The following RANBP2 variants were observed in gnomAD, a reference collection of about 807,000 sequenced individuals.
RANBP2 encodes RAN binding protein 2, also known as E3 SUMO-protein ligase RanBP2.
A neutral mutation model predicts 303.6 loss-of-function variants in RANBP2; 57 were observed. The ratio of observed to expected loss-of-function variants is 0.19; its 90% CI spans 0.15 to 0.23. The LOEUF (loss-of-function observed/expected upper bound fraction) is 0.23. RANBP2 is among the 10% of genes least tolerant of loss of function. RANBP2 has a pLI of 1.00. For missense variants in RANBP2, 3,138 were observed against 3,780.8 expected (o/e 0.83, Z 4.46); for synonymous variants, 1,167 against 1,301.5 (o/e 0.90, Z 2.23).
chr2:108,924,624 T>C, the RANBP2 span, among the ~76,000 whole-genome samples: 5 of 152,318 alleles, frequency 3.3e-5, no homozygotes, highest in African/African-American at 9.6e-5. Context: ...CGGGGGTCTG[T>C]GGGCTCCTGC....
At chr2:109,407,338 G>T in the RANBP2 span, among the ~76,000 whole-genome samples, 111 of 152,346 alleles carry the variant, frequency 7.3e-4, no homozygotes, top group East Asian at 0.019. Context: ...CATTTCTCAA[G>T]TCTCTTCGTG....
chr2:108,764,130 C>G lies in RANBP2; in HGVS notation c.3591C>G (p.Asn1197Lys). The G allele has an allele frequency of 6.2e-7, 1 of 1,614,002 alleles. No individual in the cohort carries two copies. The highest frequency in any genetic ancestry group is 1.1e-5 in the South Asian group (1 of 91,080). ...AAGATGAAGAAGAATTCTTTTGCAA[C>G]CGCGCGAAATTGTTTCGTTTCGATG... ...GEEDEEEFFC[N>K]RAKLFRFDVE... Residue 1197 changes from asparagine (N) to lysine (K), a missense_variant, in exon 20 of 29, where the codon AAC (asparagine) becomes AAG (lysine). Around this residue, in one of 20 missense-constraint regions of RANBP2, gnomAD observed 403 missense variants for 376.7 expected, o/e 1.07. Coordinates refer to ENST00000283195, the MANE Select transcript of RANBP2 (RefSeq NM_006267.5).
the RANBP2 span, among the ~76,000 whole-genome samples, chr2:108,793,652 A>AG: frequency 6.6e-6 from 1 of 150,846 alleles, no homozygotes; most frequent in Non-Finnish European, 1.5e-5. Flanking sequence ...GCTGGAGTGC[A>AG]GTAGCGCGAT....
At chr2:108,754,328 A>G (rs573651885) in intron 15 of RANBP2, among the ~76,000 whole-genome samples, 1 of 151,528 alleles carries the variant, frequency 6.6e-6, no homozygotes, top group East Asian at 1.9e-4. Context: ...GTTGCTGACA[A>G]CTTAAGAGCA....
the RANBP2 span, among the ~76,000 whole-genome samples, chr2:109,440,155 AAAGCTATGG>A: frequency 6.6e-6 from 1 of 152,220 alleles, no homozygotes; most frequent in Admixed American, 6.5e-5. Context: ...TGACTGAAGC[AAAGCTATGG>A]AAGAAGGAGA....
intron 25 of RANBP2, among the ~76,000 whole-genome samples, chr2:108,779,151 T>C (rs1678073096): frequency 1.3e-5 from 2 of 151,896 alleles, no homozygotes; most frequent in Non-Finnish European, 2.9e-5. Context: ...CAATATGTCC[T>C]TAAGAATTTT....
chr2:109,737,232 A>G, the RANBP2 span: 2 of 835,886 alleles, frequency 2.4e-6, no homozygotes, highest in Non-Finnish European at 4.0e-6. Context: ...ACAACCAATC[A>G]CGAAGATTAT....
the RANBP2 span, among the ~76,000 whole-genome samples, chr2:109,719,464 TG>T: frequency 1.4e-5 from 2 of 147,500 alleles, no homozygotes; most frequent in Non-Finnish European, 3.0e-5. Context: ...TGGAGTGCAA[TG>T]GTGGGATCCC....
the RANBP2 span, among the ~76,000 whole-genome samples, chr2:109,169,308 A>G: frequency 1.0e-4 from 15 of 150,682 alleles, no homozygotes; most frequent in African/African-American, 3.7e-4. Context: ...CCAAGTTCAT[A>G]GTACCATCCA....
chr2:109,211,513 A>G, the RANBP2 span, among the ~76,000 whole-genome samples: 1 of 152,216 alleles, frequency 6.6e-6, no homozygotes, highest in African/African-American at 2.4e-5. Context: ...CCAGTCTTCC[A>G]GGTATCCAGT....
At chr2:109,680,285 G>A in the RANBP2 span, among the ~76,000 whole-genome samples, 49 of 151,564 alleles carry the variant, frequency 3.2e-4, no homozygotes, top group Admixed American at 1.4e-3. Flanking sequence ...CCCCGGAGGC[G>A]GAGCTTGCAG....
chr2:109,486,734 AG>A, the RANBP2 span, among the ~76,000 whole-genome samples: 4,448 of 151,918 alleles, frequency 0.029, 107 homozygotes, highest in Non-Finnish European at 0.041. Flanking sequence ...GAGGAAGGGG[AG>A]GGGGAAGCTG....
rs113259054 is a variant in RANBP2, at chr2:108,743,032, G to A, written c.975+2351G>A. Among the ~76,000 whole-genome samples, 7 of 151,994 alleles carry A rather than the reference G, an allele frequency of 4.6e-5. 1 individual carries two copies. The highest frequency in any genetic ancestry group is 1.3e-4 in the Admixed American group (2 of 15,254). On this transcript the variant is annotated intron_variant, in intron 7 of 28. Transcript: ENST00000283195. ...TCTCGATCTCCTGACCTCATGATCC[G>A]CCCACCTTGGCCTCCCAAAGTGCTG... is the stretch of plus-strand genomic sequence containing the variant.
chr2:109,129,205 A>C, the RANBP2 span: 1 of 504,318 alleles, frequency 2.0e-6, no homozygotes, highest in Admixed American at 2.8e-5. Flanking sequence ...CGCTTGCAGC[A>C]CAGAACCCGT....
the RANBP2 span, among the ~76,000 whole-genome samples, chr2:109,655,922 C>T: frequency 6.6e-6 from 1 of 152,198 alleles, no homozygotes; most frequent in Non-Finnish European, 1.5e-5. Flanking sequence ...AGCTTCACCT[C>T]CCTTTGCCTC....
At chr2:109,714,106 G>A in the RANBP2 span, among the ~76,000 whole-genome samples, 11 of 151,944 alleles carry the variant, frequency 7.2e-5, no homozygotes, top group Non-Finnish European at 1.6e-4. Flanking sequence ...TTTGAGATAG[G>A]GTCTTGCTCT....
the RANBP2 span, among the ~76,000 whole-genome samples, chr2:109,161,237 G>A: frequency 6.6e-6 from 1 of 152,180 alleles, no homozygotes; most frequent in African/African-American, 2.4e-5. Context: ...CACCTTATAA[G>A]TCAGGCACGA....
At chr2:109,484,528 C>T in the RANBP2 span, among the ~76,000 whole-genome samples, 3 of 152,150 alleles carry the variant, frequency 2.0e-5, no homozygotes, top group Non-Finnish European at 4.4e-5. Flanking sequence ...CTATATCAGC[C>T]CAGCTCTTGA....
chr2:108,922,129 A>C, the RANBP2 span, among the ~76,000 whole-genome samples: 1 of 152,252 alleles, frequency 6.6e-6, no homozygotes. Flanking sequence ...AGGCTGTGCC[A>C]TGTGAGAACT....
Sources: gnomAD v4.1 joint callset for allele counts (sites outside exome capture counted in the v4.1 genomes callset) on GRCh38, gnomAD v4.1.1 for gene constraint, gnomAD v4.1.1 regional missense constraint, MANE v1.5 for transcripts, NCBI Gene and HGNC (gene_info 2026-07-23, HGNC 2026-07-21) for gene names.